AGO2: variants seen among roughly 807,000 people sequenced by gnomAD.
AGO2 encodes argonaute RISC catalytic component 2.
Under a neutral mutation model 102.3 loss-of-function variants are expected in AGO2, and 5 were observed. The observed-to-expected ratio is 0.05, with a 90% CI of 0.03 to 0.10. The LOEUF is 0.10. Ranked by LOEUF, AGO2 falls within the 10% of genes least tolerant of loss-of-function variation. AGO2 has a pLI of 1.00. For missense variants in AGO2, 541 were observed against 1,183.7 expected, an observed-to-expected ratio of 0.46 and a Z score of 7.97; for synonymous variants, 449 against 473.1, an observed-to-expected ratio of 0.95 and a Z score of 0.66.
intron 1 of AGO2, among the ~76,000 whole-genome samples, chr8:140,594,404 T>C (rs1209405345): frequency 1.3e-5 from 2 of 152,160 alleles, no homozygotes; most frequent in African/African-American, 4.8e-5. Flanking sequence ...TAACCTTTTA[T>C]AGTTTTGGGG....
intron 3 of AGO2, 111 bp downstream of exon 3, chr8:140,572,701 C>T (rs1239388514): frequency 2.7e-5 from 39 of 1,444,644 alleles, no homozygotes; most frequent in Non-Finnish European, 3.4e-5. Context: ...CTGCTCTCTC[C>T]TCCTCAGTGA....
At chr8:140,599,141 C>T (rs973646673) in intron 1 of AGO2, among the ~76,000 whole-genome samples, 1 of 152,192 alleles carries the variant, frequency 6.6e-6, no homozygotes, top group South Asian at 2.1e-4. Context: ...AGGATGCACC[C>T]GCTTGGGAAG....
At position 140,623,535 on chromosome 8, in the gene AGO2, G is replaced by A. The variant is rs139067031; in HGVS notation, c.22+11950C>T. 1.5e-3 allele frequency among the ~76,000 whole-genome samples: 236 copies of A among 152,324 alleles called. 1 individual carries two copies. Among genetic ancestry groups the A allele is most frequent in the Middle Eastern group, 0.01 (3 of 294 alleles). On this transcript the variant is annotated intron_variant, in intron 1 of 18. Coordinates refer to ENST00000220592, the MANE Select transcript of AGO2 (RefSeq NM_012154.5). The stretch of plus-strand genomic sequence containing the variant: ...CCAGTCAGCAGTCAGGCCCCCGGCT[G>A]GACACGGGTCACACCTGGACCTAGC...
intron 2 of AGO2, among the ~76,000 whole-genome samples, chr8:140,577,407 G>T (rs2073484235): frequency 2.6e-5 from 4 of 152,182 alleles, no homozygotes; most frequent in African/African-American, 9.7e-5. Flanking sequence ...GTGCTTTGGG[G>T]TTGTTAGCAT....
At chr8:140,585,376 C>A in intron 1 of AGO2, 65 bp from the exon 2 acceptor site, 2 of 1,537,862 alleles carry the variant, frequency 1.3e-6, no homozygotes, top group East Asian at 2.4e-5. Flanking sequence ...CTTCCCATCC[C>A]GCGGCCCCAA....
intron 3 of AGO2, among the ~76,000 whole-genome samples, chr8:140,563,491 C>G (rs2073234579): frequency 6.6e-6 from 1 of 152,216 alleles, no homozygotes; most frequent in African/African-American, 2.4e-5. Flanking sequence ...CCACCTTGGC[C>G]TCTCAAAGTG....
chr8:140,595,242 C>T (rs572183617), intron 1 of AGO2, among the ~76,000 whole-genome samples: 1 of 152,222 alleles, frequency 6.6e-6, no homozygotes, highest in African/African-American at 2.4e-5. Flanking sequence ...GATCACACGG[C>T]AAGAGCTCCA....
At chr8:140,642,008 C>T in the AGO2 span, among the ~76,000 whole-genome samples, 3 of 150,770 alleles carry the variant, frequency 2.0e-5, no homozygotes, top group African/African-American at 7.3e-5. Flanking sequence ...CGCCACTGTA[C>T]GTCAGCCTGG....
At chr8:140,609,384 C>A (rs570499025) in intron 1 of AGO2, among the ~76,000 whole-genome samples, 2 of 152,230 alleles carry the variant, frequency 1.3e-5, no homozygotes, top group Non-Finnish European at 2.9e-5. Flanking sequence ...CTCCAGCCCA[C>A]GCTTGGGGGT....
At chr8:140,611,172 T>A (rs143612439) in intron 1 of AGO2, among the ~76,000 whole-genome samples, 43 of 152,310 alleles carry the variant, frequency 2.8e-4, no homozygotes, top group African/African-American at 1.0e-3. Flanking sequence ...CAGGTGCATC[T>A]GCACAGTGCA....
At chr8:140,560,322 C>CCA (rs200810575) in intron 5 of AGO2, 52 bp downstream of exon 5, 32,712 of 1,590,416 alleles carry the variant, frequency 0.021, 373 homozygotes, top group Non-Finnish European at 0.024. Flanking sequence ...TCCTGACCCC[C>CCA]CAGCCCATGC....
rs2072528583 is a variant in AGO2 at position 140,527,676 on chromosome 8, A to G, written c.*4368T>C. On this transcript the variant is annotated 3_prime_UTR_variant, in exon 19 of 19. Coordinates refer to ENST00000220592, the MANE Select transcript of AGO2 (RefSeq NM_012154.5). This position sits in a 1 kb window ranked among gnomAD's most constrained non-coding sequence, Gnocchi z 6.0. ...ATAAATGAAATACTCACGTTCTGCA[A>G]GTGAGGCGCATGAGCACTGAGGAAG... 6.6e-6 allele frequency: 1 copy of G among 152,328 alleles called. No individual in the cohort carries two copies. Among genetic ancestry groups the G allele is most frequent in the Non-Finnish European group, 1.5e-5 (1 of 68,048 alleles). 9.4% of individuals were successfully genotyped at this position (152,328 alleles called of 1,614,324 possible).
chr8:140,592,183 A>G (rs1457719240), intron 1 of AGO2: 1 of 152,216 alleles, frequency 6.6e-6, no homozygotes, highest in Non-Finnish European at 1.5e-5. Context: ...GTAAAATGTA[A>G]GTTATCTCCT....
At chr8:140,587,861 T>A (rs1588482382) in intron 1 of AGO2, among the ~76,000 whole-genome samples, 1 of 152,218 alleles carries the variant, frequency 6.6e-6, no homozygotes, top group African/African-American at 2.4e-5. Flanking sequence ...ACATCTGGGA[T>A]GCCTTCACCA....
In AGO2 at chr8:140,560,344, C is replaced by T. The variant is rs1468857472; in HGVS notation, c.655+30G>A. 4 of 1,608,492 alleles carry T rather than the reference C, an allele frequency of 2.5e-6. No individual in the cohort carries two copies. The South Asian group carries it at 3.3e-5, about 13-fold the overall frequency. ...CCCCCAGCCCATGCCCAACCCTGCCCTGCAGTGAAGACCCCAGGGCGCTGC... is the reference window on the plus strand; with the variant it reads ...CCCCCAGCCCATGCCCAACCCTGCCTTGCAGTGAAGACCCCAGGGCGCTGC... On this transcript the variant is annotated intron_variant, in intron 5 of 18. Coordinates refer to ENST00000220592, the MANE Select transcript of AGO2 (RefSeq NM_012154.5).
At chr8:140,637,497 G>A (rs1216781718), upstream of AGO2, 1 of 152,222 alleles carries the variant, frequency 6.6e-6, no homozygotes, top group Non-Finnish European at 1.5e-5. Context: ...GCAAGATAAT[G>A]TCTCTGAGGG....
intron 3 of AGO2, among the ~76,000 whole-genome samples, chr8:140,563,138 T>TCATGCTTCC (rs2073229542): frequency 6.6e-6 from 1 of 152,258 alleles, no homozygotes; most frequent in Non-Finnish European, 1.5e-5. Context: ...TATTTGCTAA[T>TCATGCTTCC]CATGCTTCCC....
intron 1 of AGO2, among the ~76,000 whole-genome samples, chr8:140,600,274 C>T (rs772014493): frequency 6.6e-6 from 1 of 152,248 alleles, no homozygotes; most frequent in African/African-American, 2.4e-5. Flanking sequence ...AAAGATGTGT[C>T]CTTTAATTAC....
chr8:140,573,011 T>A (rs1320526045), intron 2 of AGO2, 79 bp from the exon 3 acceptor site: 1 of 180,516 alleles, frequency 5.5e-6, no homozygotes, highest in Non-Finnish European at 7.0e-6. Context: ...CTGACGCTAT[T>A]TTTTTTTTTT....
Sources: gnomAD v4.1 joint callset for allele counts (sites outside exome capture counted in the v4.1 genomes callset) on GRCh38, gnomAD v4.1.1 for gene constraint, Gnocchi (gnomAD v3.1) non-coding constraint, MANE v1.5 for transcripts, NCBI Gene and HGNC (gene_info 2026-07-23, HGNC 2026-07-21) for gene names.